The following NSUN2 variants were observed in gnomAD, a reference collection of about 807,000 sequenced individuals.
NSUN2 encodes RNA cytosine C(5)-methyltransferase NSUN2.
In NSUN2, 63 loss-of-function variants were observed where a neutral mutation model predicts 92.7. The observed-to-expected ratio is 0.68, with a 90% CI of 0.56 to 0.84. NSUN2 has a LOEUF of 0.84. Ranked by LOEUF, NSUN2 falls within the 40% of genes least tolerant of loss-of-function variation. The pLI is 0.00. For missense variants in NSUN2, 989 were observed against 964.9 expected (o/e 1.02, Z -0.33); for synonymous variants, 356 against 348.3 (o/e 1.02, Z -0.25).
At position 6,612,866 on chromosome 5, in the gene NSUN2, A is replaced by G. The variant is rs141286453; in HGVS notation, c.1022-1068T>C. 2.6e-5 allele frequency among the ~76,000 whole-genome samples: 4 copies of G among 152,324 alleles called. No individual in the cohort carries two copies. In the East Asian group the frequency reaches 7.7e-4, roughly 29 times the overall value. ...CCAGCACCTGGGTTGGAAGCTGCCA[A>G]TGCTACCCCATGTTGCCCCTTCTCC... On this transcript the variant is annotated intron_variant, in intron 9 of 18. Transcript: ENST00000264670.
intron 3 of NSUN2, among the ~76,000 whole-genome samples, chr5:6,626,784 G>C (rs564799635): frequency 1.3e-5 from 2 of 152,284 alleles, no homozygotes; most frequent in South Asian, 4.1e-4. Context: ...ATAAATCTTA[G>C]TGTAGTTTCA....
intron 5 of NSUN2, 51 bp from the exon 6 acceptor site, chr5:6,622,151 T>C: frequency 5.0e-6 from 7 of 1,396,694 alleles, no homozygotes; most frequent in South Asian, 2.4e-5. Context: ...CCAAATATTC[T>C]ACATTTAATT....
rs762223733 is a variant in NSUN2 at position 6,622,027 on chromosome 5, A to G, written c.611T>C (p.Val204Ala). 1.9e-6 allele frequency: 3 copies of G among 1,613,714 alleles called. No homozygotes were observed. The highest frequency in any genetic ancestry group is 2.5e-6 in the Non-Finnish European group (3 of 1,179,604). The change falls in exon 6 of 19, where the codon GTC becomes GCC. Residue 204 changes from valine to alanine, a missense_variant. Around this residue, in one of 3 missense-constraint regions of NSUN2, gnomAD observed 356 missense variants for 338.6 expected, o/e 1.05. Coordinates refer to ENST00000264670, the MANE Select transcript of NSUN2 (RefSeq NM_017755.6). ...LIEMLHADMNVPFPEGFVIAN... is the reference protein window; with the variant it reads ...LIEMLHADMNAPFPEGFVIAN... ...AGTCCAATGCATACCTGGAAAGGGG[A>G]CATTCATGTCGGCATGTAGCATTTC...
At chr5:6,619,797 AACAC>A (rs35176548) in intron 7 of NSUN2, among the ~76,000 whole-genome samples, 1,965 of 152,324 alleles carry the variant, frequency 0.013, 57 homozygotes, top group African/African-American at 0.045. Flanking sequence ...AACATCCTAA[AACAC>A]ACCACAATAA....
chr5:6,619,508 T>C (rs1475217061), intron 7 of NSUN2, among the ~76,000 whole-genome samples: 1 of 152,226 alleles, frequency 6.6e-6, no homozygotes, highest in East Asian at 1.9e-4. Context: ...TTTTGTTTCT[T>C]TCCTTTTAAA....
intron 1 of NSUN2, 22 bp from the exon 2 acceptor site, chr5:6,632,778 T>G: frequency 6.2e-7 from 1 of 1,609,140 alleles, no homozygotes; most frequent in Non-Finnish European, 8.5e-7. Flanking sequence ...AAGAGACGTC[T>G]ACCCCGAGGC....
intron 3 of NSUN2, among the ~76,000 whole-genome samples, chr5:6,628,184 C>CA (rs1484629261): frequency 1.3e-5 from 2 of 151,910 alleles, no homozygotes; most frequent in East Asian, 1.9e-4. Flanking sequence ...CCCAACTGTA[C>CA]AAAAAATAGA....
Position 6,609,969 on chromosome 5 carries a change from A to C in NSUN2, c.1227-47T>G, listed in dbSNP as rs190652460. On this transcript the variant is annotated intron_variant, in intron 11 of 18. Transcript: ENST00000264670. ...ACACCTCTGAACTAATCAAAAATGC[A>C]TTCTTTTACTATTAAGACAAATACC... 2,560 of 1,274,334 alleles carry C rather than the reference A, an allele frequency of 2.0e-3. 19 individuals are homozygous for C. The highest frequency in any genetic ancestry group is 9.8e-3 in the Middle Eastern group (42 of 4,266). The allele number at this position is 1,274,334 out of a possible 1,614,324, so 78.9% of individuals were successfully genotyped here. A position where few individuals can be genotyped will look rare whatever the true frequency, so the allele number is the denominator to read the frequency against.
In NSUN2 at chr5:6,607,352, G is replaced by A. The variant is rs1199878555; in HGVS notation, c.1356C>T (p.Ser452=). The part of the protein sequence containing the change: ...LQGKSAETRE[S]TQLSPADLTE... Reference sequence around the variant, plus strand: ...TGAGATCTGCAGGGCTCAGCTGTGTGCTTTCTCTGGTCTCTGCAGATTTAC... The same window carrying A: ...TGAGATCTGCAGGGCTCAGCTGTGTACTTTCTCTGGTCTCTGCAGATTTAC... The change falls in exon 13 of 19, where the codon AGC becomes AGT. Residue 452 remains serine, a synonymous_variant. Coordinates refer to ENST00000264670, the MANE Select transcript of NSUN2 (RefSeq NM_017755.6). The A allele has an allele frequency of 6.2e-7, 1 of 1,613,908 alleles. No homozygotes were observed. Among genetic ancestry groups the A allele is most frequent in the African/African-American group, 1.3e-5 (1 of 74,918 alleles).
intron 3 of NSUN2, among the ~76,000 whole-genome samples, chr5:6,631,089 G>A (rs932913568): frequency 1.3e-5 from 2 of 152,156 alleles, no homozygotes; most frequent in Non-Finnish European, 2.9e-5. Flanking sequence ...GTGAGACTCC[G>A]TCTCCAAACA....
rs2303709 is a variant in NSUN2 at position 6,604,092 on chromosome 5, A to G, written c.1957+46T>C. The G allele has an allele frequency of 0.28, 441,273 of 1,570,958 alleles. 64,333 individuals are homozygous for G. Among genetic ancestry groups the G allele is most frequent in the East Asian group, 0.43 (18,947 of 44,510 alleles). Reference sequence around the variant, plus strand: ...CACCACCTGCATTTTTGCTGGCCTTATAAAGGGAATACAAGTTATGTCTCT... The same window carrying G: ...CACCACCTGCATTTTTGCTGGCCTTGTAAAGGGAATACAAGTTATGTCTCT... On this transcript the variant is annotated intron_variant, in intron 17 of 18. Coordinates refer to ENST00000264670, the MANE Select transcript of NSUN2 (RefSeq NM_017755.6).
At chr5:6,621,092 C>T (rs1478280383) in intron 6 of NSUN2, 1 of 152,180 alleles carries the variant, frequency 6.6e-6, no homozygotes, top group African/African-American at 2.4e-5. Flanking sequence ...TTTGCCTGAA[C>T]AAAGATAGGA....
At chr5:6,605,228 ACGCATCC>A (rs1736717388) in intron 15 of NSUN2, 38 bp downstream of exon 15, 1 of 1,605,560 alleles carries the variant, frequency 6.2e-7, no homozygotes, top group Non-Finnish European at 8.5e-7. Context: ...GAAAAGCCAC[ACGCATCC>A]CGCATCACAC....
chr5:6,601,778 T>C (rs941590833), intron 18 of NSUN2, among the ~76,000 whole-genome samples: 16 of 152,250 alleles, frequency 1.1e-4, no homozygotes, highest in African/African-American at 3.9e-4. Context: ...CAGTCAGCCG[T>C]GGACCCCATT....
chr5:6,618,085 G>T (rs1737289052), intron 7 of NSUN2, 61 bp from the exon 8 acceptor site: 6 of 1,057,662 alleles, frequency 5.7e-6, no homozygotes, highest in South Asian at 3.9e-5. Flanking sequence ...CACTTTAACA[G>T]ATATGTCACA....
At position 6,601,002 on chromosome 5, in the gene NSUN2, CA is replaced by C. The variant is rs747609608; in HGVS notation, c.1998-771del. ...TTTCCAACCTGCACACGCCCTCTCT[CA>C]ACTTATCTGATTTCTTTCATACGGG... is the stretch of plus-strand genomic sequence containing the variant. On this transcript the variant is annotated intron_variant, in intron 18 of 18. Transcript: ENST00000264670. 2.6e-3 allele frequency among the ~76,000 whole-genome samples: 400 copies of C among 151,722 alleles called. 2 individuals are homozygous for C. The highest frequency in any genetic ancestry group is 2.4e-3 in the Non-Finnish European group (166 of 68,022).
At chr5:6,605,091 G>A in intron 15 of NSUN2, 182 bp downstream of exon 15, 1 of 794,164 alleles carries the variant, frequency 1.3e-6, no homozygotes. Flanking sequence ...ACTCTGGCAG[G>A]AACCATTCAG....
At position 6,633,017 on chromosome 5, in the gene NSUN2, C is replaced by T. The variant is rs1445105213; in HGVS notation, c.-38G>A. 1.4e-6 allele frequency: 2 copies of T among 1,413,466 alleles called. No individual in the cohort carries two copies. The highest frequency in any genetic ancestry group is 2.9e-5 in the East Asian group (1 of 34,430). The allele number at this position is 1,413,466 out of a possible 1,614,324, so 87.6% of individuals were successfully genotyped here. ...CGCGCACGCAGCACGCAGAAACCGG[C>T]CCGCCACGGCCAGAACTCTAGCCCT... On this transcript the variant is annotated 5_prime_UTR_variant, in exon 1 of 19. Transcript: ENST00000264670.
intron 6 of NSUN2, 64 bp from the exon 7 acceptor site, chr5:6,620,362 T>C (rs1339927701): frequency 5.5e-6 from 7 of 1,276,784 alleles, no homozygotes; most frequent in Non-Finnish European, 7.4e-6. Flanking sequence ...TCCTGAAATA[T>C]GCGACCTCCA....
Sources: allele counts gnomAD v4.1 joint callset (sites outside exome capture counted in the v4.1 genomes callset), GRCh38; gene constraint gnomAD v4.1.1; regional missense constraint gnomAD v4.1.1; transcripts MANE v1.5; gene names NCBI Gene and HGNC (gene_info 2026-07-23, HGNC 2026-07-21).